NTRK3: variants seen among roughly 807,000 people sequenced by gnomAD.
NTRK3 encodes the protein neurotrophic receptor tyrosine kinase 3.
Under a neutral mutation model 91.7 loss-of-function variants are expected in NTRK3, and 24 were observed. The observed-to-expected ratio is 0.26, with a 90% CI of 0.19 to 0.37. The LOEUF is 0.37. Among genes scored for constraint, NTRK3 ranks in the 10% least tolerant of loss-of-function variants. NTRK3 has a pLI of 1.00. For synonymous variants in NTRK3, 483 were observed against 404.0 expected, an observed-to-expected ratio of 1.20 and a Z score of -2.34; for missense variants, 880 against 1,068.9, an observed-to-expected ratio of 0.82 and a Z score of 2.46.
chr15:87,943,093 T>C (rs2070064666), intron 14 of NTRK3, among the ~76,000 whole-genome samples: 1 of 152,032 alleles, frequency 6.6e-6, no homozygotes, highest in Non-Finnish European at 1.5e-5. Flanking sequence ...AACAGATTGC[T>C]GGGCTCCTCC....
exon 19 of NTRK3, chr15:87,862,161 C>G (rs1186384626): frequency 4.5e-6 from 1 of 220,020 alleles, no homozygotes; most frequent in African/African-American, 2.2e-5. Context: ...AATCTTGTGC[C>G]ATGGCCTTTT....
chr15:88,154,110 CAAAAA>C (rs397736752), intron 5 of NTRK3, among the ~76,000 whole-genome samples: 9 of 86,638 alleles, frequency 1.0e-4, no homozygotes, highest in Non-Finnish European at 2.0e-4. Context: ...ATAGACTTTG[CAAAAA>C]AAAAAAAAAA....
chr15:88,030,808 G>A (rs1364186776), intron 14 of NTRK3, among the ~76,000 whole-genome samples: 2 of 151,626 alleles, frequency 1.3e-5, no homozygotes, highest in Non-Finnish European at 2.9e-5. Flanking sequence ...AAAAAAACCT[G>A]TCATCTGTCA....
At chr15:88,109,714 C>T (rs564968270) in intron 13 of NTRK3, among the ~76,000 whole-genome samples, 2 of 152,158 alleles carry the variant, frequency 1.3e-5, no homozygotes, top group Non-Finnish European at 2.9e-5. Context: ...GCTATAGAAA[C>T]AACCAACACC....
intron 5 of NTRK3, among the ~76,000 whole-genome samples, chr15:88,153,655 A>G (rs1217320223): frequency 6.6e-6 from 1 of 152,142 alleles, no homozygotes; most frequent in South Asian, 2.1e-4. Flanking sequence ...TATAAACAAT[A>G]GGAATTTATT....
intron 3 of NTRK3, among the ~76,000 whole-genome samples, chr15:88,230,973 AC>A (rs2051134372): frequency 6.6e-6 from 1 of 151,964 alleles, no homozygotes; most frequent in Non-Finnish European, 1.5e-5. Context: ...CCAAGTCTTG[AC>A]CCCCCTTCTT....
chr15:88,202,416 G>A (rs550749832), intron 3 of NTRK3, among the ~76,000 whole-genome samples: 1 of 152,316 alleles, frequency 6.6e-6, no homozygotes, highest in Admixed American at 6.5e-5. Context: ...GTCATAGTTG[G>A]CAGCAACAGG....
chr15:88,104,184 G>A (rs1052523909), intron 13 of NTRK3, among the ~76,000 whole-genome samples: 17 of 152,192 alleles, frequency 1.1e-4, no homozygotes, highest in Non-Finnish European at 1.5e-4. Context: ...TGGATGAGAC[G>A]TCAGGGACAC....
intron 3 of NTRK3, among the ~76,000 whole-genome samples, chr15:88,212,340 A>G (rs528617642): frequency 1.1e-4 from 17 of 152,354 alleles, no homozygotes; most frequent in African/African-American, 4.1e-4. Flanking sequence ...ACTGCACTCC[A>G]GCCTGGGTGA....
chr15:88,089,082 C>T (rs531313009), intron 13 of NTRK3, among the ~76,000 whole-genome samples: 122 of 151,768 alleles, frequency 8.0e-4, no homozygotes, highest in Non-Finnish European at 1.1e-3. Context: ...TCTGAGGCTA[C>T]CTGGCCTTTG....
At chr15:87,895,265 A>G (rs1298337891) in intron 17 of NTRK3, among the ~76,000 whole-genome samples, 2 of 152,228 alleles carry the variant, frequency 1.3e-5, no homozygotes, top group Non-Finnish European at 2.9e-5. Context: ...ATGTAAATGT[A>G]CTACTGTACT....
At chr15:88,185,307 C>A (rs973507193) in intron 3 of NTRK3, among the ~76,000 whole-genome samples, 1 of 152,164 alleles carries the variant, frequency 6.6e-6, no homozygotes, top group East Asian at 1.9e-4. Flanking sequence ...TGCATAAATT[C>A]CAGCCCAAAG....
intron 14 of NTRK3, among the ~76,000 whole-genome samples, chr15:88,002,052 A>C (rs1237063887): frequency 6.6e-6 from 1 of 152,086 alleles, no homozygotes; most frequent in East Asian, 1.9e-4. Context: ...GCATTGATAT[A>C]ATAAAGTCCA....
intron 3 of NTRK3, among the ~76,000 whole-genome samples, chr15:88,194,902 GGCCAAGACA>G (rs2151703330): frequency 6.6e-6 from 1 of 152,090 alleles, no homozygotes; most frequent in Non-Finnish European, 1.5e-5. Context: ...TTTTTCCCTC[GGCCAAGACA>G]GCAGCTTCAG....
rs1491565928 is a variant in NTRK3 at position 88,159,943 on chromosome 15, T to TACACATAC, written c.396-12541_396-12540insGTATGTGT. Among the ~76,000 whole-genome samples the TACACATAC allele has an allele frequency of 6.8e-4, 76 of 112,048 alleles. 1 individual carries two copies. Among genetic ancestry groups the TACACATAC allele is most frequent in the African/African-American group, 2.5e-3 (75 of 29,752 alleles). The allele number at this position is 112,048 out of a possible 152,430, so 73.5% of individuals were successfully genotyped here. A position where few individuals can be genotyped will look rare whatever the true frequency, so the allele number is the denominator to read the frequency against. On this transcript the variant is annotated intron_variant, in intron 5 of 18. Transcript: ENST00000394480. ...TGCCTCCCCACCCCACCCAGCCTCCTACACACACACACACACACACACACA... is the reference window on the plus strand; with the variant it reads ...TGCCTCCCCACCCCACCCAGCCTCCTACACATACACACACACACACACACACACACACA...
intron 3 of NTRK3, among the ~76,000 whole-genome samples, chr15:88,232,002 T>A (rs1000363217): frequency 3.9e-5 from 6 of 152,308 alleles, no homozygotes; most frequent in African/African-American, 1.4e-4. Flanking sequence ...CCGGATAAGG[T>A]ACAGATGCCT....
intron 14 of NTRK3, among the ~76,000 whole-genome samples, chr15:87,955,648 A>G (rs2071579742): frequency 6.6e-6 from 1 of 152,134 alleles, no homozygotes; most frequent in Non-Finnish European, 1.5e-5. Flanking sequence ...GTTCACCTAC[A>G]CCAACGCCTC....
At chr15:88,040,722 C>T (rs2079526475) in intron 13 of NTRK3, among the ~76,000 whole-genome samples, 2 of 152,156 alleles carry the variant, frequency 1.3e-5, no homozygotes, top group South Asian at 2.1e-4. Context: ...GGTTCTTCTC[C>T]AAATTCCAAA....
At chr15:88,057,832 A>G (rs920119833) in intron 13 of NTRK3, among the ~76,000 whole-genome samples, 1 of 152,140 alleles carries the variant, frequency 6.6e-6, no homozygotes, top group Non-Finnish European at 1.5e-5. Context: ...ATGACTCCCA[A>G]TATCTTTCTG....
Sources: allele counts gnomAD v4.1 joint callset (sites outside exome capture counted in the v4.1 genomes callset), GRCh38; gene constraint gnomAD v4.1.1; transcripts MANE v1.5; gene names NCBI Gene and HGNC (gene_info 2026-07-23, HGNC 2026-07-21).